The following HS2ST1 variants were observed in gnomAD, a reference collection of about 807,000 sequenced individuals.
HS2ST1 encodes 2-O-sulfotransferase.
HS2ST1 carries 18 observed loss-of-function variants against 42.9 expected under a neutral mutation model. That is an observed-to-expected ratio of 0.42 (90% CI 0.29 to 0.62). The LOEUF is 0.62. Ranked by LOEUF, HS2ST1 falls within the 20% of genes least tolerant of loss-of-function variation. The pLI, the probability that HS2ST1 is intolerant of heterozygous loss-of-function variation, is 0.21. For missense variants in HS2ST1, 334 were observed against 433.8 expected (o/e 0.77, Z 2.04); for synonymous variants, 146 against 152.9 (o/e 0.95, Z 0.33).
chr1:87,056,096 C>T (rs571714280), intron 1 of HS2ST1, among the ~76,000 whole-genome samples: 273 of 152,114 alleles, frequency 1.8e-3, no homozygotes, highest in South Asian at 5.6e-3. Context: ...CTTTAAGAGG[C>T]ATTTGGATCA....
chr1:87,017,467 T>C (rs188443558), intron 1 of HS2ST1, among the ~76,000 whole-genome samples: 1 of 152,312 alleles, frequency 6.6e-6, no homozygotes, highest in East Asian at 1.9e-4. Context: ...ATTTTCTTCA[T>C]ATTTATCATA....
chr1:87,004,118 T>G (rs1049397084), intron 1 of HS2ST1, among the ~76,000 whole-genome samples: 5 of 152,140 alleles, frequency 3.3e-5, no homozygotes, highest in African/African-American at 4.8e-5. Flanking sequence ...TGGCCGGGCG[T>G]GGTGGCTGAC....
chr1:86,960,828 C>T (rs1377682443), intron 1 of HS2ST1, among the ~76,000 whole-genome samples: 1 of 70,914 alleles, frequency 1.4e-5, no homozygotes, highest in Non-Finnish European at 3.8e-5. Flanking sequence ...GGTGGGAATG[C>T]AAAATAATAA....
intron 3 of HS2ST1, among the ~76,000 whole-genome samples, chr1:87,088,251 T>G (rs1188429166): frequency 1.3e-5 from 2 of 152,068 alleles, no homozygotes; most frequent in South Asian, 2.1e-4. Flanking sequence ...CATTTTTGTC[T>G]GTCATGACAC....
chr1:87,034,557 A>G (rs1308803446), intron 1 of HS2ST1, among the ~76,000 whole-genome samples: 2 of 152,210 alleles, frequency 1.3e-5, no homozygotes, highest in South Asian at 2.1e-4. Flanking sequence ...AAATGCAAAT[A>G]TTGTACTCTA....
At chr1:87,075,488 T>G (rs1440548998) in intron 2 of HS2ST1, among the ~76,000 whole-genome samples, 3 of 152,102 alleles carry the variant, frequency 2.0e-5, no homozygotes, top group Non-Finnish European at 4.4e-5. Context: ...AAATGAACTA[T>G]TTTGCTCTTT....
intron 1 of HS2ST1, among the ~76,000 whole-genome samples, chr1:86,922,419 T>TTGTGTGTGTG (rs150775849): frequency 0.017 from 2,479 of 147,810 alleles, 79 homozygotes; most frequent in African/African-American, 0.055. Flanking sequence ...GTTCTTCATT[T>TTGTGTGTGTG]TGTGTGTGTG....
chr1:87,066,227 C>G (rs974917946), intron 1 of HS2ST1, among the ~76,000 whole-genome samples: 1 of 152,162 alleles, frequency 6.6e-6, no homozygotes, highest in African/African-American at 2.4e-5. Flanking sequence ...GAGTTTGTTG[C>G]TAATCTGACA....
At chr1:87,095,239 T>TG in intron 4 of HS2ST1, among the ~76,000 whole-genome samples, 1 of 152,274 alleles carries the variant, frequency 6.6e-6, no homozygotes, top group East Asian at 1.9e-4. Context: ...TGTTAAAGGG[T>TG]GGCCATGATT....
intron 1 of HS2ST1, among the ~76,000 whole-genome samples, chr1:87,063,363 G>A (rs536891872): frequency 5.5e-4 from 84 of 152,194 alleles, no homozygotes; most frequent in African/African-American, 2.0e-3. Context: ...TTGAGACAAA[G>A]TCTCGCTCTG....
chr1:86,921,392 T>C (rs1173323932), intron 1 of HS2ST1, among the ~76,000 whole-genome samples: 2 of 152,188 alleles, frequency 1.3e-5, no homozygotes, highest in Non-Finnish European at 2.9e-5. Flanking sequence ...CTTTTTTTTA[T>C]ACAAGATACC....
intron 1 of HS2ST1, chr1:87,044,875 GGTT>G: frequency 9.1e-7 from 1 of 1,101,806 alleles, no homozygotes; most frequent in Non-Finnish European, 1.3e-6. Context: ...CAAATAATCT[GGTT>G]CTGCCTAGAT....
At position 87,104,335 on chromosome 1, in the gene HS2ST1, T is replaced by G. The variant is rs1652282878; in HGVS notation, c.845-135T>G. 5 of 638,062 alleles carry G rather than the reference T, an allele frequency of 7.8e-6. No homozygotes were observed. In the South Asian group the frequency reaches 1.0e-4, roughly 13 times the overall value. The allele number at this position is 638,062 out of a possible 1,614,324, so 39.5% of individuals were successfully genotyped here. On this transcript the variant is annotated intron_variant, in intron 6 of 6. Transcript: ENST00000370550. ...GTTTGATCAAGGCTCCGTTTTTACC[T>G]GAATTATATAAGACAATTATGTTAC...
intron 1 of HS2ST1, among the ~76,000 whole-genome samples, chr1:87,049,183 CA>C (rs1650771291): frequency 2.0e-5 from 3 of 151,960 alleles, no homozygotes; most frequent in African/African-American, 7.2e-5. Flanking sequence ...AGCAATTTAT[CA>C]AGTTTATTGG....
intron 1 of HS2ST1, among the ~76,000 whole-genome samples, chr1:86,980,031 C>T (rs892063557): frequency 1.8e-4 from 27 of 152,128 alleles, no homozygotes; most frequent in African/African-American, 6.0e-4. Flanking sequence ...TAAGGTATGG[C>T]GAGAAAAAGC....
intron 1 of HS2ST1, among the ~76,000 whole-genome samples, chr1:86,974,118 G>A (rs1007434346): frequency 6.6e-6 from 1 of 152,100 alleles, no homozygotes; most frequent in Admixed American, 6.6e-5. Flanking sequence ...TGGGGTGATA[G>A]TAGAGTCTTT....
intron 1 of HS2ST1, among the ~76,000 whole-genome samples, chr1:87,008,576 A>T (rs1293508894): frequency 1.3e-5 from 2 of 152,232 alleles, no homozygotes; most frequent in Non-Finnish European, 2.9e-5. Context: ...ATTCAGTAGC[A>T]AGTAACCTTT....
At chr1:87,085,811 G>T (rs899462366) in intron 3 of HS2ST1, among the ~76,000 whole-genome samples, 1 of 152,128 alleles carries the variant, frequency 6.6e-6, no homozygotes, top group African/African-American at 2.4e-5. Flanking sequence ...TTTTGCTTTT[G>T]GCAAAGTCTT....
intron 1 of HS2ST1, among the ~76,000 whole-genome samples, chr1:86,990,826 A>ATG (rs1648923840): frequency 1.2e-4 from 2 of 17,306 alleles, no homozygotes. Context: ...ATATATATAT[A>ATG]TATATATATA....
Sources: allele counts gnomAD v4.1 joint callset (sites outside exome capture counted in the v4.1 genomes callset), GRCh38; gene constraint gnomAD v4.1.1; transcripts MANE v1.5; gene names NCBI Gene and HGNC (gene_info 2026-07-23, HGNC 2026-07-21).